The following ZBTB10 variants were observed in gnomAD, a reference collection of about 807,000 sequenced individuals.
ZBTB10 encodes zinc finger and BTB domain containing 10, also known as zinc finger and BTB domain-containing protein 10.
ZBTB10 carries 32 observed loss-of-function variants against 76.4 expected under a neutral mutation model. The ratio of observed to expected loss-of-function variants is 0.42; its 90% CI spans 0.32 to 0.56. ZBTB10 has a LOEUF of 0.56. Among genes scored for constraint, ZBTB10 ranks in the 20% least tolerant of loss-of-function variants. The pLI, the probability that ZBTB10 is intolerant of heterozygous loss-of-function variation, is 0.14. For synonymous variants in ZBTB10, 523 were observed against 432.9 expected (o/e 1.21, Z -2.58); for missense variants, 1,057 against 1,098.5 (o/e 0.96, Z 0.53).
intron 1 of ZBTB10, among the ~76,000 whole-genome samples, chr8:80,490,933 C>T (rs1037108520): frequency 5.3e-5 from 8 of 152,144 alleles, no homozygotes; most frequent in African/African-American, 1.9e-4. Flanking sequence ...AAAGTTGTAG[C>T]GTACTTTGTT....
In ZBTB10 at chr8:80,487,263, G is replaced by A. The variant is rs1380446801; in HGVS notation, c.453G>A (p.Arg151=). The part of the protein sequence containing the change: ...GRPETSVWPL[R]HFNGRGPATV... Reference sequence around the variant, plus strand: ...CCGAGACCTCGGTGTGGCCCTTGAGGCATTTCAATGGGCGAGGGCCGGCGA... The same window carrying A: ...CCGAGACCTCGGTGTGGCCCTTGAGACATTTCAATGGGCGAGGGCCGGCGA... Residue 151 remains arginine, a synonymous_variant, in exon 1 of 6, where the codon AGG becomes AGA. Coordinates refer to ENST00000455036, the MANE Select transcript of ZBTB10 (RefSeq NM_001105539.3). The A allele has an allele frequency of 4.5e-6, 7 of 1,552,162 alleles. No homozygotes were observed.
At chr8:80,509,387 G>A (rs921018080) in intron 2 of ZBTB10, among the ~76,000 whole-genome samples, 6 of 152,034 alleles carry the variant, frequency 3.9e-5, no homozygotes, top group African/African-American at 1.2e-4. Flanking sequence ...ATCTTTTCAA[G>A]AATATTTGTG....
At chr8:80,488,559 TATTTGTATCAAGTAGTGG>T (rs1815543299) in intron 1 of ZBTB10, among the ~76,000 whole-genome samples, 1 of 152,254 alleles carries the variant, frequency 6.6e-6, no homozygotes, top group African/African-American at 2.4e-5. Context: ...AATGTGTAGT[TATTTGTATCAAGTAGTGG>T]ATTTGGATTG....
chr8:80,502,157 C>T (rs1815940839), intron 2 of ZBTB10, among the ~76,000 whole-genome samples: 1 of 152,188 alleles, frequency 6.6e-6, no homozygotes, highest in African/African-American at 2.4e-5. Context: ...TATCAAGTAT[C>T]TCCTAGCCAT....
intron 1 of ZBTB10, among the ~76,000 whole-genome samples, chr8:80,497,262 C>T (rs1585844212): frequency 6.6e-6 from 1 of 151,728 alleles, no homozygotes; most frequent in East Asian, 1.9e-4. Context: ...TCCAATACAA[C>T]ATACTGGTTT....
At chr8:80,500,774 T>G (rs563282739) in intron 2 of ZBTB10, among the ~76,000 whole-genome samples, 1 of 152,324 alleles carries the variant, frequency 6.6e-6, no homozygotes, top group South Asian at 2.1e-4. Context: ...CCTTAACCTT[T>G]TTTATTTTAT....
At chr8:80,494,212 C>G (rs1423080723) in intron 1 of ZBTB10, among the ~76,000 whole-genome samples, 1 of 152,158 alleles carries the variant, frequency 6.6e-6, no homozygotes, top group Non-Finnish European at 1.5e-5. Context: ...TTGGAAATGT[C>G]TTTTCTGCTA....
At chr8:80,493,207 G>GCGCGCACACACA (rs375071529) in intron 1 of ZBTB10, among the ~76,000 whole-genome samples, 252 of 125,272 alleles carry the variant, frequency 2.0e-3, no homozygotes, top group African/African-American at 2.7e-3. Context: ...GCGCGCGCGC[G>GCGCGCACACACA]CACACACACA....
chr8:80,493,539 G>A (rs1024447515), intron 1 of ZBTB10, among the ~76,000 whole-genome samples: 10 of 151,820 alleles, frequency 6.6e-5, no homozygotes, highest in South Asian at 4.1e-4. Flanking sequence ...TGAATAGGCC[G>A]GGCGCGGTGG....
intron 2 of ZBTB10, among the ~76,000 whole-genome samples, chr8:80,508,902 G>A (rs1816123993): frequency 6.6e-6 from 1 of 151,798 alleles, no homozygotes. Flanking sequence ...TGTTTATATT[G>A]CATTTAAGAC....
intron 2 of ZBTB10, among the ~76,000 whole-genome samples, chr8:80,506,956 G>A (rs527244753): frequency 6.6e-6 from 1 of 151,790 alleles, no homozygotes; most frequent in Admixed American, 6.6e-5. Context: ...TTAGGGGGAG[G>A]GTGCTGAAGG....
intron 3 of ZBTB10, among the ~76,000 whole-genome samples, chr8:80,515,685 T>TA (rs1816309661): frequency 6.6e-6 from 1 of 152,182 alleles, no homozygotes; most frequent in Non-Finnish European, 1.5e-5. Flanking sequence ...TTATTCCTCT[T>TA]AAAGGGGACA....
intron 1 of ZBTB10, among the ~76,000 whole-genome samples, chr8:80,494,337 T>G (rs1439474231): frequency 6.6e-6 from 1 of 152,210 alleles, no homozygotes. Flanking sequence ...GTGTGCTGTT[T>G]GACTTTCTAT....
chr8:80,499,304 G>A (rs544929519), intron 1 of ZBTB10, among the ~76,000 whole-genome samples, 190 bp from the exon 2 acceptor site: 3 of 152,134 alleles, frequency 2.0e-5, no homozygotes, highest in Non-Finnish European at 2.9e-5. Context: ...TCAGTCAGAT[G>A]TGTTTGATTT....
At chr8:80,517,861 C>A (rs77694976) in intron 3 of ZBTB10, among the ~76,000 whole-genome samples, 1 of 142,926 alleles carries the variant, frequency 7.0e-6, no homozygotes, top group African/African-American at 2.6e-5. Context: ...TTTTTTCTCC[C>A]GCCCGCCACC....
intron 2 of ZBTB10, among the ~76,000 whole-genome samples, chr8:80,510,897 A>C (rs757927441): frequency 2.6e-5 from 4 of 152,206 alleles, no homozygotes; most frequent in Non-Finnish European, 5.9e-5. Context: ...GATGATGACC[A>C]AGAGTTGCTA....
At chr8:80,498,693 A>G (rs1473004362) in intron 1 of ZBTB10, among the ~76,000 whole-genome samples, 2 of 152,262 alleles carry the variant, frequency 1.3e-5, no homozygotes, top group Non-Finnish European at 2.9e-5. Context: ...TACAGACAGC[A>G]TTCTGAATTC....
In ZBTB10 at chr8:80,486,523, C is replaced by T. The variant is rs1045161914; in HGVS notation, c.-288C>T. 21 of 985,590 alleles carry T rather than the reference C, an allele frequency of 2.1e-5. No individual in the cohort carries two copies. Among genetic ancestry groups the T allele is most frequent in the Non-Finnish European group, 2.5e-5 (21 of 830,272 alleles). 61.1% of individuals were successfully genotyped at this position (985,590 alleles called of 1,614,324 possible). ...CGCTCCTCACCTCTCCGCCGCCCGC[C>T]CCCTTCTCCGCGCGGGACGCTGCCC... On this transcript the variant is annotated 5_prime_UTR_variant, in exon 1 of 6. Transcript: ENST00000455036.
chr8:80,486,636 A>C lies in ZBTB10; in HGVS notation c.-175A>C, dbSNP rs1156427239. 4.1e-6 allele frequency: 4 copies of C among 983,508 alleles called. No homozygotes were observed. The highest frequency in any genetic ancestry group is 1.2e-4 in the East Asian group (1 of 8,400). The allele number at this position is 983,508 out of a possible 1,614,324, so 60.9% of individuals were successfully genotyped here. A position where few individuals can be genotyped will look rare whatever the true frequency, so the allele number is the denominator to read the frequency against. ...CAGCGGCAGCGGACGCGTGCAGCAG[A>C]CCCGGGAGCGAGCGCGAGCCGGGCT... On this transcript the variant is annotated 5_prime_UTR_variant, in exon 1 of 6. Coordinates refer to ENST00000455036, the MANE Select transcript of ZBTB10 (RefSeq NM_001105539.3).
Sources: allele counts gnomAD v4.1 joint callset (sites outside exome capture counted in the v4.1 genomes callset), GRCh38; gene constraint gnomAD v4.1.1; transcripts MANE v1.5; gene names NCBI Gene and HGNC (gene_info 2026-07-23, HGNC 2026-07-21).